Variants in FAM241A observed in about 807,000 individuals in gnomAD.
FAM241A encodes the protein uncharacterized protein FAM241A.
FAM241A carries 7 observed loss-of-function variants against 12.2 expected under a neutral mutation model. That is an observed-to-expected ratio of 0.58 (90% CI 0.33 to 1.08). The LOEUF (loss-of-function observed/expected upper bound fraction) is 1.08. Among genes scored for constraint, FAM241A ranks in the 50% least tolerant of loss-of-function variants. FAM241A has a pLI of 0.04. For synonymous variants in FAM241A, 74 were observed against 68.2 expected, an observed-to-expected ratio of 1.08 and a Z score of -0.42; for missense variants, 161 against 169.7, an observed-to-expected ratio of 0.95 and a Z score of 0.29.
intron 1 of FAM241A, among the ~76,000 whole-genome samples, chr4:112,169,216 T>G (rs1028417144): frequency 9.2e-5 from 14 of 152,192 alleles, no homozygotes; most frequent in African/African-American, 3.4e-4. Flanking sequence ...TCAATGTTTT[T>G]AAGAATCAGT....
At chr4:112,152,811 C>G (rs1187775018) in intron 1 of FAM241A, among the ~76,000 whole-genome samples, 1 of 152,146 alleles carries the variant, frequency 6.6e-6, no homozygotes, top group Non-Finnish European at 1.5e-5. Flanking sequence ...TATTAGCCCC[C>G]GTGATCCTGA....
intron 1 of FAM241A, chr4:112,171,443 A>T: frequency 1.3e-6 from 1 of 777,200 alleles, no homozygotes; most frequent in Non-Finnish European, 2.3e-6. Flanking sequence ...CCAACTGCAG[A>T]TCTAAGAGAA....
intron 1 of FAM241A, among the ~76,000 whole-genome samples, chr4:112,173,248 T>A (rs1001852697): frequency 6.6e-6 from 1 of 152,186 alleles, no homozygotes; most frequent in Non-Finnish European, 1.5e-5. Flanking sequence ...TTACAGAGCA[T>A]TCTTGATTTA....
chr4:112,162,483 T>C (rs894892901), intron 1 of FAM241A, among the ~76,000 whole-genome samples: 28 of 152,168 alleles, frequency 1.8e-4, no homozygotes, highest in Admixed American at 1.3e-4. Context: ...AAAATCAATG[T>C]GCAAAAATCA....
chr4:112,160,197 A>T (rs1167166352), intron 1 of FAM241A, among the ~76,000 whole-genome samples: 1 of 152,200 alleles, frequency 6.6e-6, no homozygotes, highest in African/African-American at 2.4e-5. Flanking sequence ...ACTTGAGGTC[A>T]GGAGTTCAAG....
intron 1 of FAM241A, among the ~76,000 whole-genome samples, chr4:112,173,891 C>A (rs1449103640): frequency 6.6e-6 from 1 of 152,166 alleles, no homozygotes; most frequent in African/African-American, 2.4e-5. Context: ...ACTGTCTCCT[C>A]AGCAAAGCAG....
At position 112,182,495 on chromosome 4, in the gene FAM241A, T is replaced by C. The variant is rs139834905; in HGVS notation, c.154-4198T>C. ...ACTTAATTATCTCAGCTTGTCAATG[T>C]TGTAAACTTAAAAAAAAAAAAATAG... On this transcript the variant is annotated intron_variant, in intron 1 of 1. Transcript: ENST00000309733. Among the ~76,000 whole-genome samples, 639 of 151,666 alleles carry C rather than the reference T, an allele frequency of 4.2e-3. 7 individuals are homozygous for C. Among genetic ancestry groups the C allele is most frequent in the African/African-American group, 0.015 (613 of 41,446 alleles).
chr4:112,145,665 G>T lies in FAM241A; in HGVS notation c.85G>T (p.Ala29Ser), dbSNP rs553563130. The T allele has an allele frequency of 4.1e-6, 5 of 1,216,462 alleles. No homozygotes were observed. In the South Asian group the frequency reaches 1.7e-4, roughly 40 times the overall value. 75.4% of individuals were successfully genotyped at this position (1,216,462 alleles called of 1,614,324 possible). A position where few individuals can be genotyped will look rare whatever the true frequency, so the allele number is the denominator to read the frequency against. Residue 29 changes from alanine (A) to serine (S), a missense_variant, in exon 1 of 2, where the codon GCA (alanine) becomes TCA (serine). By Grantham distance (99) the Ala-to-Ser change is moderately conservative (BLOSUM62 1). Transcript: ENST00000309733. ...GGACGCGCTGGCGGAGCGGGAGGCG[G>T]CAGGGACCGGGTGGGATCCCGGGGC... ...DGDALAEREA[A>S]GTGWDPGASP... is the part of the protein sequence containing the mutation.
intron 1 of FAM241A, 123 bp downstream of exon 1, chr4:112,145,856 C>A: frequency 4.0e-6 from 2 of 503,968 alleles, no homozygotes; most frequent in Non-Finnish European, 2.7e-6. Flanking sequence ...TGGGCACTGG[C>A]TCCCCGGCGC....
At chr4:112,179,943 A>ATATATATATATATTTATATG (rs1553921438) in intron 1 of FAM241A, among the ~76,000 whole-genome samples, 1 of 129,514 alleles carries the variant, frequency 7.7e-6, no homozygotes, top group Non-Finnish European at 1.6e-5. Context: ...ATATATGTAT[A>ATATATATATATATTTATATG]TGTGTGTGTG....
intron 1 of FAM241A, among the ~76,000 whole-genome samples, chr4:112,157,450 A>G (rs1167699213): frequency 1.3e-5 from 2 of 152,246 alleles, no homozygotes; most frequent in Admixed American, 1.3e-4. Context: ...GATAAAGATA[A>G]TTTAGTAATA....
intron 1 of FAM241A, among the ~76,000 whole-genome samples, chr4:112,159,830 G>A (rs957220695): frequency 2.0e-5 from 3 of 152,118 alleles, no homozygotes; most frequent in Non-Finnish European, 2.9e-5. Flanking sequence ...ATACTAAATG[G>A]AGAAAAAATG....
Position 112,186,709 on chromosome 4 carries a change from A to T in FAM241A, c.170A>T (p.Gln57Leu). 6.2e-7 allele frequency: 1 copy of T among 1,612,594 alleles called. No homozygotes were observed. The highest frequency in any genetic ancestry group is 2.2e-5 in the East Asian group (1 of 44,860). ...KESEQDVEDS[Q>L]NHTGEPVGDD... ...TTTTTAAAGGATGTTGAAGACTCACAGAACCACACTGGTGAGCCGGTTGGA... is the reference window on the plus strand; with the variant it reads ...TTTTTAAAGGATGTTGAAGACTCACTGAACCACACTGGTGAGCCGGTTGGA... Residue 57 changes from glutamine (Q) to leucine (L), a missense_variant, in exon 2 of 2, where the codon CAG becomes CTG. Gln to Leu is a moderately radical substitution (Grantham distance 113, BLOSUM62 -2). Coordinates refer to ENST00000309733, the MANE Select transcript of FAM241A (RefSeq NM_152400.3).
intron 1 of FAM241A, among the ~76,000 whole-genome samples, chr4:112,179,939 GTA>G (rs1167145389): frequency 1.2e-4 from 9 of 77,454 alleles, no homozygotes; most frequent in East Asian, 5.8e-4. Flanking sequence ...ATATATATAT[GTA>G]TATGTGTGTG....
chr4:112,149,091 T>G (rs367776372), intron 1 of FAM241A, among the ~76,000 whole-genome samples: 145,816 of 152,286 alleles, frequency 0.96, 69,853 homozygotes, highest in East Asian at 1. Flanking sequence ...TATTTTGGGA[T>G]TTTGATATCA....
rs189188165 is a variant in FAM241A at position 112,187,270 on chromosome 4, A to G, written c.*332A>G. The G allele has an allele frequency of 2.2e-3, 447 of 203,898 alleles. 5 individuals carry two copies. The highest frequency in any genetic ancestry group is 9.6e-3 in the Middle Eastern group (5 of 520). The allele number at this position is 203,898 out of a possible 1,614,324, so 12.6% of individuals were successfully genotyped here. A position where few individuals can be genotyped will look rare whatever the true frequency, so the allele number is the denominator to read the frequency against. On this transcript the variant is annotated 3_prime_UTR_variant, in exon 2 of 2. Coordinates refer to ENST00000309733, the MANE Select transcript of FAM241A (RefSeq NM_152400.3). ...GAAAATAACAGGACATGGAATTCAA[A>G]TCAAGCAATATAGTTCTTATAAAGA...
chr4:112,157,640 GA>G (rs1030083466), intron 1 of FAM241A, among the ~76,000 whole-genome samples: 4 of 151,514 alleles, frequency 2.6e-5, no homozygotes, highest in Admixed American at 6.6e-5. Context: ...TGATTTATAT[GA>G]AAAAAAAGTA....
At chr4:112,162,173 G>A (rs545573785) in intron 1 of FAM241A, among the ~76,000 whole-genome samples, 1 of 152,240 alleles carries the variant, frequency 6.6e-6, no homozygotes, top group East Asian at 1.9e-4. Context: ...AATAATAAGA[G>A]CTATTTATGA....
intron 1 of FAM241A, among the ~76,000 whole-genome samples, chr4:112,182,297 CG>C (rs1282575966): frequency 2.0e-5 from 3 of 152,054 alleles, no homozygotes; most frequent in African/African-American, 7.2e-5. Flanking sequence ...ATAATTGAAT[CG>C]GATGACCTTT....
Sources: gnomAD v4.1 joint callset for allele counts (sites outside exome capture counted in the v4.1 genomes callset) on GRCh38, gnomAD v4.1.1 for gene constraint, MANE v1.5 for transcripts, NCBI Gene and HGNC (gene_info 2026-07-23, HGNC 2026-07-21) for gene names.